BAG1: variants seen among roughly 807,000 people sequenced by gnomAD.
BAG1 encodes BAG family molecular chaperone regulator 1.
Under a neutral mutation model 35.5 loss-of-function variants are expected in BAG1, and 35 were observed. That is an observed-to-expected ratio of 0.99 (90% CI 0.75 to 1.31). The LOEUF (loss-of-function observed/expected upper bound fraction) is 1.31, where lower values mean the gene tolerates loss of function less well. Among genes scored for constraint, BAG1 ranks in the 50% most tolerant of loss-of-function variants. The pLI is 0.00. For missense variants in BAG1, 464 were observed against 453.6 expected (o/e 1.02, Z -0.21); for synonymous variants, 191 against 178.9 (o/e 1.07, Z -0.54).
intron 1 of BAG1, among the ~76,000 whole-genome samples, chr9:33,263,278 C>T (rs1049399391): frequency 6.6e-6 from 1 of 152,180 alleles, no homozygotes; most frequent in African/African-American, 2.4e-5. Context: ...GCTTGACTGC[C>T]CTGTACCCTG....
At chr9:33,260,949 A>G (rs1820555613) in intron 3 of BAG1, 138 bp downstream of exon 3, 1 of 608,992 alleles carries the variant, frequency 1.6e-6, no homozygotes, top group Admixed American at 3.6e-5. Flanking sequence ...CTGTAAAACC[A>G]ATAAAGATTG....
Position 33,264,685 on chromosome 9 carries a change from G to C in BAG1, c.-11C>G. On this transcript the variant is annotated 5_prime_UTR_variant, in exon 1 of 7. Transcript: ENST00000634734. ...CCCGCGCTGAGCCAGGCCCGCACTT[G>C]TTGACCGCCCAGCGATGGAAGCTGA... The C allele has an allele frequency of 7.4e-7, 1 of 1,358,110 alleles. No individual in the cohort carries two copies. The highest frequency in any genetic ancestry group is 9.4e-7 in the Non-Finnish European group (1 of 1,062,310). 84.1% of individuals were successfully genotyped at this position (1,358,110 alleles called of 1,614,324 possible). A position where few individuals can be genotyped will look rare whatever the true frequency, so the allele number is the denominator to read the frequency against.
rs1820417539 is a variant in BAG1, at chr9:33,254,853, T to C, written c.*366A>G. Reference sequence around the variant, plus strand: ...GATCACAAGAGCAAAGAAGCCCTCATGTATCTGAAGACTGAGGGGGCCTAT... The same window carrying C: ...GATCACAAGAGCAAAGAAGCCCTCACGTATCTGAAGACTGAGGGGGCCTAT... On this transcript the variant is annotated 3_prime_UTR_variant, in exon 7 of 7. Coordinates refer to ENST00000634734, the MANE Select transcript of BAG1 (RefSeq NM_004323.6). 9.6e-6 allele frequency: 4 copies of C among 417,172 alleles called. No homozygotes were observed. The highest frequency in any genetic ancestry group is 6.3e-5 in the South Asian group (3 of 47,256). The allele number at this position is 417,172 out of a possible 1,614,324, so 25.8% of individuals were successfully genotyped here.
At chr9:33,257,170 G>A (rs1820473564) in intron 4 of BAG1, 1 of 428,904 alleles carries the variant, frequency 2.3e-6, no homozygotes, top group South Asian at 3.6e-5. Context: ...CTCCAGTGAA[G>A]CCCCCAGTCA....
chr9:33,262,254 A>G, intron 2 of BAG1: 1 of 1,263,432 alleles, frequency 7.9e-7, no homozygotes, highest in Non-Finnish European at 1.0e-6. Flanking sequence ...GAACTGAATG[A>G]ATAAACAAAT....
Position 33,255,932 on chromosome 9 carries a change from G to T in BAG1, c.886-5C>A. ...TTTGAAATTTTCTGGCAGGATCTAT[G>T]GAAGAGTAAGTTGATAATACAAGTT... On this transcript the variant is annotated splice_polypyrimidine_tract_variant and splice_region_variant and intron_variant, in intron 5 of 6. Coordinates refer to ENST00000634734, the MANE Select transcript of BAG1 (RefSeq NM_004323.6). The T allele has an allele frequency of 1.2e-6, 2 of 1,609,562 alleles. No homozygotes were observed. Among genetic ancestry groups the T allele is most frequent in the Non-Finnish European group, 1.7e-6 (2 of 1,175,890 alleles).
At chr9:33,255,413 C>G in intron 6 of BAG1, 105 bp from the exon 7 acceptor site, 2 of 1,554,788 alleles carry the variant, frequency 1.3e-6, no homozygotes, top group Non-Finnish European at 1.8e-6. Context: ...GGCTGAGACT[C>G]AAAACAGATT....
rs1319079851 is a variant in BAG1 at position 33,264,581 on chromosome 9, G to A, written c.94C>T (p.Gln32Ter). 1 of 1,408,610 alleles carries A rather than the reference G, an allele frequency of 7.1e-7. No individual in the cohort carries two copies. The highest frequency in any genetic ancestry group is 1.5e-5 in the African/African-American group (1 of 65,968). The allele number at this position is 1,408,610 out of a possible 1,614,324, so 87.3% of individuals were successfully genotyped here. Residue 32 changes from glutamine to a stop codon, truncating the protein, a stop_gained, in exon 1 of 7, where the codon CAG (glutamine) becomes TAG (stop). Transcript: ENST00000634734. LOFTEE classifies it high-confidence loss of function. The stretch of plus-strand genomic sequence containing the variant: ...CCACGCTGGGCCGGGGGCTCCGACT[G>A]GCGCGGCTCCCGGCCTGGCCGAAGG...
At position 33,264,556 on chromosome 9, in the gene BAG1, C is replaced by A; in HGVS notation, c.119G>T (p.Gly40Val). 1 of 1,475,420 alleles carries A rather than the reference C, an allele frequency of 6.8e-7. No individual in the cohort carries two copies. The highest frequency in any genetic ancestry group is 8.9e-7 in the Non-Finnish European group (1 of 1,120,714). The allele number at this position is 1,475,420 out of a possible 1,614,324, so 91.4% of individuals were successfully genotyped here. A position where few individuals can be genotyped will look rare whatever the true frequency, so the allele number is the denominator to read the frequency against. Residue 40 changes from glycine (G) to valine (V), a missense_variant, in exon 1 of 7, where the codon GGT becomes GTT. By Grantham distance (109) the Gly-to-Val change is moderately radical (BLOSUM62 -3). Transcript: ENST00000634734. ...AGGTGGACGCCCAGAGGGAGGCGGA[C>A]CACGCTGGGCCGGGGGCTCCGACTG...
rs1820408792 is a variant in BAG1 at position 33,254,582 on chromosome 9, C to T, written c.*637G>A. 6.2e-6 allele frequency: 1 copy of T among 160,400 alleles called. No homozygotes were observed. Among genetic ancestry groups the T allele is most frequent in the Admixed American group, 6.0e-5 (1 of 16,664 alleles). 9.9% of individuals were successfully genotyped at this position (160,400 alleles called of 1,614,324 possible). Reference sequence around the variant, plus strand: ...CTTGCTTGGGGACAAGGAAGCCTTGCATCAACCACAGGCTCCATCCAAGGA... The same window carrying T: ...CTTGCTTGGGGACAAGGAAGCCTTGTATCAACCACAGGCTCCATCCAAGGA... On this transcript the variant is annotated 3_prime_UTR_variant, in exon 7 of 7. Coordinates refer to ENST00000634734, the MANE Select transcript of BAG1 (RefSeq NM_004323.6).
chr9:33,255,952 C>T (rs1329931484), intron 5 of BAG1, 25 bp from the exon 6 acceptor site: 11 of 1,581,314 alleles, frequency 7.0e-6, no homozygotes, highest in Non-Finnish European at 9.6e-6. Context: ...GTTGATAATA[C>T]AAGTTAGTAA....
At position 33,262,695 on chromosome 9, in the gene BAG1, T is replaced by G; in HGVS notation, c.580+7A>C. The G allele has an allele frequency of 6.4e-7, 1 of 1,568,456 alleles. No homozygotes were observed. ...AGAAAAAGAAAGAAAGAAAAAGAAA[T>G]GCTTACCCTTAAATATGAGTTTCTG... On this transcript the variant is annotated splice_region_variant and intron_variant, in intron 2 of 6. Coordinates refer to ENST00000634734, the MANE Select transcript of BAG1 (RefSeq NM_004323.6).
At chr9:33,261,789 A>G in intron 2 of BAG1, 2 of 811,052 alleles carry the variant, frequency 2.5e-6, no homozygotes, top group Non-Finnish European at 3.0e-6. Context: ...TACCAGAATG[A>G]TAGATTCTCA....
At chr9:33,257,180 A>G in intron 4 of BAG1, 1 of 407,792 alleles carries the variant, frequency 2.5e-6, no homozygotes, top group Non-Finnish European at 4.4e-6. Context: ...GCCCCCAGTC[A>G]CAAGAAGAGG....
chr9:33,263,769 G>T (rs1820632936), intron 1 of BAG1, among the ~76,000 whole-genome samples: 1 of 100,674 alleles, frequency 9.9e-6, no homozygotes, highest in Non-Finnish European at 2.6e-5. Context: ...GACCCAAAGG[G>T]TGCCCAGAGT....
chr9:33,253,881 G>A lies in BAG1; in HGVS notation c.*1338C>T, dbSNP rs1820390445. The A allele has an allele frequency of 6.6e-6, 1 of 150,550 alleles. No homozygotes were observed. Among genetic ancestry groups the A allele is most frequent in the Non-Finnish European group, 1.5e-5 (1 of 67,878 alleles). 9.3% of individuals were successfully genotyped at this position (150,550 alleles called of 1,614,324 possible). On this transcript the variant is annotated 3_prime_UTR_variant, in exon 7 of 7. Transcript: ENST00000634734. ...AATTTTAGAGATGGGGTCTTGCTAT[G>A]TTGCCCAGACTAGACTCAAACTCCT... is the stretch of plus-strand genomic sequence containing the variant.
At chr9:33,257,173 C>T (rs745715808) in intron 4 of BAG1, 12 of 421,544 alleles carry the variant, frequency 2.8e-5, no homozygotes, top group Non-Finnish European at 4.7e-5. Flanking sequence ...CAGTGAAGCC[C>T]CCAGTCACAA....
intron 3 of BAG1, chr9:33,259,367 A>AAAAAAAG: frequency 6.1e-6 from 1 of 163,470 alleles, no homozygotes; most frequent in Non-Finnish European, 1.3e-5. Context: ...GTCTCAAAAA[A>AAAAAAAG]AAAAAAGAAA....
At chr9:33,260,460 CTTTG>C (rs1486474059) in intron 3 of BAG1, 2 of 152,306 alleles carry the variant, frequency 1.3e-5, no homozygotes, top group Non-Finnish European at 1.5e-5. Flanking sequence ...TTTGCCTTCA[CTTTG>C]TTTATCTGCC....
Sources: allele counts gnomAD v4.1 joint callset (sites outside exome capture counted in the v4.1 genomes callset), GRCh38; gene constraint gnomAD v4.1.1; transcripts MANE v1.5; gene names NCBI Gene and HGNC (gene_info 2026-07-23, HGNC 2026-07-21).